Variants in HOMER1 observed in about 807,000 individuals in gnomAD.
HOMER1 encodes homer protein homolog 1.
In HOMER1, 3 loss-of-function variants were observed where a neutral mutation model predicts 48.9. The observed-to-expected ratio is 0.06, with a 90% CI of 0.03 to 0.16. The LOEUF (loss-of-function observed/expected upper bound fraction) is 0.16. Among genes scored for constraint, HOMER1 ranks in the 10% least tolerant of loss-of-function variants. HOMER1 has a pLI of 1.00. For synonymous variants in HOMER1, 134 were observed against 146.4 expected (o/e 0.92, Z 0.61); for missense variants, 247 against 411.4 (o/e 0.60, Z 3.46).
chr5:79,425,269 T>G (rs1486080757), intron 5 of HOMER1, among the ~76,000 whole-genome samples: 1 of 151,928 alleles, frequency 6.6e-6, no homozygotes, highest in Admixed American at 6.6e-5. Context: ...AAAATCTAAC[T>G]TGGAGAACTG....
At chr5:79,401,680 A>C (rs114291789) in intron 6 of HOMER1, among the ~76,000 whole-genome samples, 349 of 152,342 alleles carry the variant, frequency 2.3e-3, no homozygotes, top group African/African-American at 8.1e-3. Flanking sequence ...ATGGGGAATC[A>C]ACATGGTTTG....
At chr5:79,413,734 G>A (rs1749868774) in intron 5 of HOMER1, among the ~76,000 whole-genome samples, 2 of 149,810 alleles carry the variant, frequency 1.3e-5, no homozygotes, top group Non-Finnish European at 1.5e-5. Context: ...CGCCTTCTGG[G>A]CTAGGTGCTT....
intron 1 of HOMER1, among the ~76,000 whole-genome samples, chr5:79,470,705 G>C (rs1432640979): frequency 1.3e-5 from 2 of 151,994 alleles, no homozygotes; most frequent in Non-Finnish European, 2.9e-5. Context: ...ATGTTAGTGA[G>C]AACTTAAGGA....
chr5:79,487,949 T>C (rs1285627119), intron 1 of HOMER1, among the ~76,000 whole-genome samples: 3 of 152,196 alleles, frequency 2.0e-5, no homozygotes. Flanking sequence ...ATGAGCCACA[T>C]GTTAATAATT....
intron 1 of HOMER1, among the ~76,000 whole-genome samples, chr5:79,489,351 C>T (rs1296524283): frequency 6.6e-6 from 1 of 152,102 alleles, no homozygotes; most frequent in Non-Finnish European, 1.5e-5. Context: ...CAACAGAAGG[C>T]TAGGCTCTAC....
At chr5:79,476,365 G>A (rs549920732) in intron 1 of HOMER1, among the ~76,000 whole-genome samples, 1 of 152,226 alleles carries the variant, frequency 6.6e-6, no homozygotes, top group African/African-American at 2.4e-5. Flanking sequence ...AATCACTTGT[G>A]CAGTGGACAC....
intron 1 of HOMER1, among the ~76,000 whole-genome samples, chr5:79,483,960 T>C (rs939971821): frequency 2.1e-4 from 31 of 148,020 alleles, no homozygotes; most frequent in Admixed American, 2.0e-3. Flanking sequence ...GCAGGAGAGT[T>C]GCTTGAACCT....
At position 79,473,819 on chromosome 5, in the gene HOMER1, A is replaced by C. The variant is rs555191324; in HGVS notation, c.6-16801T>G. On this transcript the variant is annotated intron_variant, in intron 1 of 8. Coordinates refer to ENST00000334082, the MANE Select transcript of HOMER1 (RefSeq NM_004272.5). ...TTCCACATCATGGCAATAATTTTAA[A>C]AACTTTATTCCAATACTAAGTATGG... Among the ~76,000 whole-genome samples, 5 of 152,306 alleles carry C rather than the reference A, an allele frequency of 3.3e-5. No individual in the cohort carries two copies. The South Asian group carries it at 1.0e-3, about 32-fold the overall frequency.
intron 8 of HOMER1, among the ~76,000 whole-genome samples, chr5:79,379,992 G>A (rs551634292): frequency 3.9e-5 from 6 of 152,252 alleles, no homozygotes; most frequent in East Asian, 1.9e-4. Flanking sequence ...AAGAAGAACC[G>A]AAATAGTGAC....
intron 1 of HOMER1, among the ~76,000 whole-genome samples, chr5:79,472,554 C>T (rs1751651692): frequency 6.6e-6 from 1 of 151,792 alleles, no homozygotes; most frequent in African/African-American, 2.4e-5. Context: ...GTAGGAGAAT[C>T]ACTTGAGCCC....
Position 79,496,799 on chromosome 5 carries a change from T to C in HOMER1, c.5+15971A>G, listed in dbSNP as rs182843541. ...AAAATTTCTGGCCAGGCACGGTGGC[T>C]CATGCCTGTAATTCCAGCTCTTTGG... On this transcript the variant is annotated intron_variant, in intron 1 of 8. Coordinates refer to ENST00000334082, the MANE Select transcript of HOMER1 (RefSeq NM_004272.5). 2.0e-5 allele frequency among the ~76,000 whole-genome samples: 3 copies of C among 152,038 alleles called. No homozygotes were observed. In the East Asian group the frequency reaches 5.8e-4, roughly 29 times the overall value.
intron 1 of HOMER1, among the ~76,000 whole-genome samples, chr5:79,482,345 A>C (rs1751972400): frequency 6.6e-6 from 1 of 152,200 alleles, no homozygotes; most frequent in Non-Finnish European, 1.5e-5. Flanking sequence ...ACAGAAACAC[A>C]CCCAGAAATG....
chr5:79,417,912 AT>A (rs1749987922), intron 5 of HOMER1, among the ~76,000 whole-genome samples: 1 of 152,226 alleles, frequency 6.6e-6, no homozygotes, highest in Non-Finnish European at 1.5e-5. Context: ...CAAAGCTAAA[AT>A]TGTGTGAAAA....
intron 1 of HOMER1, chr5:79,510,926 G>A: frequency 1.7e-6 from 1 of 587,784 alleles, no homozygotes; most frequent in South Asian, 2.4e-5. Context: ...GTGAGGACAG[G>A]ACTGGTGCGA....
rs77228020 is a variant in HOMER1, at chr5:79,382,186, A to G, written c.877-5989T>C. 5.6e-3 allele frequency among the ~76,000 whole-genome samples: 852 copies of G among 152,294 alleles called. 12 individuals are homozygous for G. The highest frequency in any genetic ancestry group is 0.019 in the African/African-American group (809 of 41,570). On this transcript the variant is annotated intron_variant, in intron 8 of 8. Coordinates refer to ENST00000334082, the MANE Select transcript of HOMER1 (RefSeq NM_004272.5). Reference sequence around the variant, plus strand: ...GGACACCATAAAGTGGCCATAAAATATGCAAATTATCAGGGTTCCCGGAGG... The same window carrying G: ...GGACACCATAAAGTGGCCATAAAATGTGCAAATTATCAGGGTTCCCGGAGG...
chr5:79,506,221 A>G (rs1202301443), intron 1 of HOMER1, among the ~76,000 whole-genome samples: 2 of 152,030 alleles, frequency 1.3e-5, no homozygotes, highest in East Asian at 3.9e-4. Context: ...TTCAAGCGAT[A>G]AAAACTTTCA....
Position 79,465,584 on chromosome 5 carries a change from C to CTTTTTTTTTTTTTTTTTTTTTT in HOMER1, c.6-8588_6-8567dup, listed in dbSNP as rs10666507. Among the ~76,000 whole-genome samples the CTTTTTTTTTTTTTTTTTTTTTT allele has an allele frequency of 1.9e-4, 15 of 77,906 alleles. 1 individual carries two copies. The highest frequency in any genetic ancestry group is 6.1e-4 in the African/African-American group (10 of 16,494). The allele number at this position is 77,906 out of a possible 152,430, so 51.1% of individuals were successfully genotyped here. A position where few individuals can be genotyped will look rare whatever the true frequency, so the allele number is the denominator to read the frequency against. On this transcript the variant is annotated intron_variant, in intron 1 of 8. Transcript: ENST00000334082. ...AGTAACAGTACTGTTTACATTTCTTCTTTTTTTTTTTTTTTTTTTTTTTTT... is the reference window on the plus strand; with the variant it reads ...AGTAACAGTACTGTTTACATTTCTTCTTTTTTTTTTTTTTTTTTTTTTTTTTTTTTTTTTTTTTTTTTTTTTT...
At chr5:79,451,556 CT>C (rs71615542) in intron 2 of HOMER1, among the ~76,000 whole-genome samples, 6,000 of 64,078 alleles carry the variant, frequency 0.094, 210 homozygotes, top group African/African-American at 0.26. Flanking sequence ...AAATATGACA[CT>C]TTTTTTTTTT....
chr5:79,463,244 G>A (rs1751364882), intron 1 of HOMER1, among the ~76,000 whole-genome samples: 1 of 152,134 alleles, frequency 6.6e-6, no homozygotes, highest in Non-Finnish European at 1.5e-5. Flanking sequence ...TCCCATTCTT[G>A]CCAGAAGTTG....
Sources: gnomAD v4.1 joint callset for allele counts (sites outside exome capture counted in the v4.1 genomes callset) on GRCh38, gnomAD v4.1.1 for gene constraint, MANE v1.5 for transcripts, NCBI Gene and HGNC (gene_info 2026-07-23, HGNC 2026-07-21) for gene names.